CNTN5: variants seen among roughly 807,000 people sequenced by gnomAD.
CNTN5 encodes the protein contactin 5.
Under a neutral mutation model 129.1 loss-of-function variants are expected in CNTN5, and 77 were observed. The ratio of observed to expected loss-of-function variants is 0.60; its 90% CI spans 0.50 to 0.72. The LOEUF (loss-of-function observed/expected upper bound fraction) is 0.72. CNTN5 is among the 30% of genes least tolerant of loss of function. CNTN5 has a pLI of 0.00. For synonymous variants in CNTN5, 509 were observed against 465.6 expected, an observed-to-expected ratio of 1.09 and a Z score of -1.20; for missense variants, 1,478 against 1,328.8, an observed-to-expected ratio of 1.11 and a Z score of -1.75.
intron 3 of CNTN5, among the ~76,000 whole-genome samples, chr11:99,587,093 A>G (rs1411771097): frequency 1.3e-5 from 2 of 152,162 alleles, no homozygotes; most frequent in African/African-American, 4.8e-5. Flanking sequence ...CATATGTTGA[A>G]AACCAGGTCA....
chr11:99,644,702 A>G (rs1488068767), intron 3 of CNTN5, among the ~76,000 whole-genome samples: 2 of 152,204 alleles, frequency 1.3e-5, no homozygotes, highest in Non-Finnish European at 2.9e-5. Flanking sequence ...ATATTTACTA[A>G]TTAAGCAACT....
At chr11:99,983,523 T>A (rs1413276985) in intron 8 of CNTN5, among the ~76,000 whole-genome samples, 14 of 152,182 alleles carry the variant, frequency 9.2e-5, no homozygotes, top group Non-Finnish European at 5.9e-5. Context: ...TTTGTTATTT[T>A]TGTTGTTTGC....
At chr11:100,073,842 T>G (rs1237743041) in intron 12 of CNTN5, among the ~76,000 whole-genome samples, 2 of 152,142 alleles carry the variant, frequency 1.3e-5, no homozygotes, top group African/African-American at 4.8e-5. Context: ...TTTGCTCTTT[T>G]GCCAAGGTCA....
intron 3 of CNTN5, among the ~76,000 whole-genome samples, chr11:99,689,295 A>G (rs1260101377): frequency 1.3e-5 from 2 of 152,064 alleles, no homozygotes; most frequent in African/African-American, 2.4e-5. Context: ...AGGGAGGCCA[A>G]GGCGGGCAGA....
At chr11:100,210,176 A>T (rs1052966465) in intron 15 of CNTN5, among the ~76,000 whole-genome samples, 1,639 of 76,852 alleles carry the variant, frequency 0.021, 14 homozygotes, top group Non-Finnish European at 0.029. Context: ...CCTCTATACA[A>T]AAAAAAAAAA....
At chr11:100,218,793 AC>A (rs1482010721) in intron 15 of CNTN5, among the ~76,000 whole-genome samples, 7 of 152,176 alleles carry the variant, frequency 4.6e-5, no homozygotes, top group Non-Finnish European at 7.3e-5. Flanking sequence ...ATGGTGAGAG[AC>A]AAGATAGGTT....
At chr11:99,840,129 T>A (rs2135668627) in intron 4 of CNTN5, among the ~76,000 whole-genome samples, 1 of 152,166 alleles carries the variant, frequency 6.6e-6, no homozygotes, top group African/African-American at 2.4e-5. Flanking sequence ...TAGGCCGGAG[T>A]CAGACTACTT....
intron 2 of CNTN5, among the ~76,000 whole-genome samples, chr11:99,536,598 C>G (rs978622142): frequency 6.6e-6 from 1 of 151,930 alleles, no homozygotes; most frequent in African/African-American, 2.4e-5. Flanking sequence ...CAGAAACTTG[C>G]CCTCCCTCAT....
intron 3 of CNTN5, among the ~76,000 whole-genome samples, chr11:99,753,665 A>C (rs10893836): frequency 0.38 from 51,771 of 136,656 alleles, 10,906 homozygotes; most frequent in East Asian, 0.7. Flanking sequence ...AAAAAAAAAA[A>C]AAAACAGGTA....
At chr11:99,032,721 T>A (rs977112900) in intron 1 of CNTN5, among the ~76,000 whole-genome samples, 1 of 149,938 alleles carries the variant, frequency 6.7e-6, no homozygotes, top group African/African-American at 2.5e-5. Context: ...GTAGGTTGCC[T>A]GTTCACTCTG....
At chr11:99,140,965 G>C (rs929951662) in intron 1 of CNTN5, among the ~76,000 whole-genome samples, 3 of 151,484 alleles carry the variant, frequency 2.0e-5, no homozygotes, top group Non-Finnish European at 4.4e-5. Flanking sequence ...TTGTTTTTCT[G>C]TTGTGTCTCT....
At chr11:100,150,325 T>C (rs1312270817) in intron 13 of CNTN5, among the ~76,000 whole-genome samples, 1 of 152,160 alleles carries the variant, frequency 6.6e-6, no homozygotes, top group Middle Eastern at 3.2e-3. Context: ...GAGTAAAATA[T>C]ATGGCTTTGT....
intron 3 of CNTN5, among the ~76,000 whole-genome samples, chr11:99,659,746 A>G (rs12785653): frequency 0.048 from 7,382 of 152,230 alleles, 211 homozygotes; most frequent in East Asian, 0.11. Context: ...ATGGAGAATA[A>G]TCTGCTTCAG....
chr11:99,913,600 G>A (rs563153585), intron 6 of CNTN5, among the ~76,000 whole-genome samples: 4 of 152,142 alleles, frequency 2.6e-5, no homozygotes, highest in Non-Finnish European at 4.4e-5. Flanking sequence ...AAAGCAATTG[G>A]AGTGAAGTAT....
intron 1 of CNTN5, among the ~76,000 whole-genome samples, chr11:99,162,703 A>G (rs996734402): frequency 6.6e-6 from 1 of 152,346 alleles, no homozygotes; most frequent in Middle Eastern, 3.4e-3. Flanking sequence ...TATGAGGTAG[A>G]TATTACTTGA....
intron 9 of CNTN5, among the ~76,000 whole-genome samples, chr11:100,004,378 C>T (rs113301630): frequency 2.4e-3 from 366 of 152,250 alleles, no homozygotes; most frequent in African/African-American, 8.2e-3. Flanking sequence ...CATGGGGGCT[C>T]TCATTCATCC....
chr11:99,167,040 G>T (rs1401640304), intron 1 of CNTN5, among the ~76,000 whole-genome samples: 1 of 151,998 alleles, frequency 6.6e-6, no homozygotes, highest in Non-Finnish European at 1.5e-5. Flanking sequence ...TACTTTTTCT[G>T]TATTAATTAA....
intron 2 of CNTN5, among the ~76,000 whole-genome samples, chr11:99,328,644 G>A (rs1429318843): frequency 1.3e-5 from 2 of 152,030 alleles, no homozygotes; most frequent in Admixed American, 6.6e-5. Flanking sequence ...GCCGAGATGG[G>A]TGGATCACCT....
In CNTN5 at chr11:100,357,246, A is replaced by T. The variant is rs190250407; in HGVS notation, c.*1026A>T. ...ATAACAAATAAGTTTTGATTTTTAA[A>T]AACAGTTCCATGCATCACATACCAC... On this transcript the variant is annotated 3_prime_UTR_variant, in exon 25 of 25. Transcript: ENST00000524871. 1 of 151,942 alleles carries T rather than the reference A, an allele frequency of 6.6e-6. No individual in the cohort carries two copies. The highest frequency in any genetic ancestry group is 1.9e-4 in the East Asian group (1 of 5,178). 9.4% of individuals were successfully genotyped at this position (151,942 alleles called of 1,614,324 possible). A position where few individuals can be genotyped will look rare whatever the true frequency, so the allele number is the denominator to read the frequency against.
Sources: gnomAD v4.1 joint callset for allele counts (sites outside exome capture counted in the v4.1 genomes callset) on GRCh38, gnomAD v4.1.1 for gene constraint, MANE v1.5 for transcripts, NCBI Gene and HGNC (gene_info 2026-07-23, HGNC 2026-07-21) for gene names.